The following DIAPH3 variants were observed in gnomAD, a reference collection of about 807,000 sequenced individuals.
DIAPH3 encodes the protein diaphanous related formin 3, also known as protein diaphanous homolog 3.
In DIAPH3, 117 loss-of-function variants were observed where a neutral mutation model predicts 144.3. The ratio of observed to expected loss-of-function variants is 0.81; its 90% CI spans 0.70 to 0.95. The LOEUF (loss-of-function observed/expected upper bound fraction) is 0.95, where lower values mean the gene tolerates loss of function less well. Among genes scored for constraint, DIAPH3 ranks in the 40% least tolerant of loss-of-function variants. The pLI is 0.00. For missense variants in DIAPH3, 1,421 were observed against 1,412.7 expected (o/e 1.01, Z -0.09); for synonymous variants, 519 against 488.9 (o/e 1.06, Z -0.81).
chr13:59,962,948 C>G (rs937174275), intron 17 of DIAPH3, among the ~76,000 whole-genome samples: 2 of 152,020 alleles, frequency 1.3e-5, no homozygotes, highest in Non-Finnish European at 2.9e-5. Flanking sequence ...ATAGGTACTG[C>G]TATGTTTGTT....
At chr13:59,868,654 T>C (rs2044072129) in intron 21 of DIAPH3, among the ~76,000 whole-genome samples, 1 of 152,168 alleles carries the variant, frequency 6.6e-6, no homozygotes, top group African/African-American at 2.4e-5. Flanking sequence ...TATTCATCCA[T>C]CACTACAATG....
At chr13:60,017,576 T>C (rs1171357039) in intron 5 of DIAPH3, among the ~76,000 whole-genome samples, 1 of 152,164 alleles carries the variant, frequency 6.6e-6, no homozygotes, top group Non-Finnish European at 1.5e-5. Flanking sequence ...AATACAAATA[T>C]TGAGTAAAAT....
chr13:59,876,131 A>AAT (rs1308864465), intron 21 of DIAPH3, among the ~76,000 whole-genome samples: 2 of 152,176 alleles, frequency 1.3e-5, no homozygotes, highest in Non-Finnish European at 2.9e-5. Context: ...TCTACTGTCA[A>AAT]ATATATATGG....
At chr13:60,152,719 A>T (rs1951847455) in intron 1 of DIAPH3, among the ~76,000 whole-genome samples, 1 of 152,040 alleles carries the variant, frequency 6.6e-6, no homozygotes, top group African/African-American at 2.4e-5. Context: ...TGTATGATAC[A>T]TACATGATAA....
At chr13:59,974,905 T>C (rs2050582426) in intron 14 of DIAPH3, among the ~76,000 whole-genome samples, 1 of 152,080 alleles carries the variant, frequency 6.6e-6, no homozygotes, top group South Asian at 2.1e-4. Flanking sequence ...ATATTTTTTA[T>C]TACTAAACAA....
chr13:60,133,618 C>T (rs914241917), intron 1 of DIAPH3, among the ~76,000 whole-genome samples: 2 of 152,044 alleles, frequency 1.3e-5, no homozygotes, highest in African/African-American at 4.8e-5. Flanking sequence ...CTTCAAGGAC[C>T]CTTTTGCTGA....
intron 2 of DIAPH3, 43 bp downstream of exon 2, chr13:60,132,914 T>A: frequency 6.5e-7 from 1 of 1,527,428 alleles, no homozygotes; most frequent in East Asian, 2.3e-5. Context: ...GTTATATGGT[T>A]AGTTACAATT....
chr13:59,707,046 A>G (rs747867486), intron 27 of DIAPH3, among the ~76,000 whole-genome samples: 3 of 152,228 alleles, frequency 2.0e-5, no homozygotes, highest in Non-Finnish European at 4.4e-5. Context: ...ATAATTTCAG[A>G]AAATGGTTAT....
At chr13:59,771,490 GGAA>G (rs1370678891) in intron 27 of DIAPH3, among the ~76,000 whole-genome samples, 1 of 148,534 alleles carries the variant, frequency 6.7e-6, no homozygotes, top group Non-Finnish European at 1.5e-5. Flanking sequence ...GCTAAATTTG[GGAA>G]GAAGAGATGA....
At chr13:59,865,778 C>A (rs960713684) in intron 21 of DIAPH3, among the ~76,000 whole-genome samples, 1 of 151,912 alleles carries the variant, frequency 6.6e-6, no homozygotes, top group South Asian at 2.1e-4. Context: ...AGGTATTCAG[C>A]ACAAATCTGG....
chr13:59,833,133 G>T lies in DIAPH3; in HGVS notation c.3001C>A (p.Leu1001Met). 1.2e-6 allele frequency: 2 copies of T among 1,610,116 alleles called. No homozygotes were observed. The highest frequency in any genetic ancestry group is 1.1e-5 in the South Asian group (1 of 90,720). The change falls in exon 24 of 28, where the codon CTG becomes ATG. Residue 1001 changes from leucine (L) to methionine (M), a missense_variant. Transcript: ENST00000400324. ...ATGAATGTGGTTCTGAAGTTATTCA[G>T]GTCAGTAAGAAAGTCTTCCACAGAC... ...KVSVEDFLTD[L>M]NNFRTTFMQA...
At chr13:60,111,534 A>G (rs994987112) in intron 3 of DIAPH3, among the ~76,000 whole-genome samples, 1 of 152,194 alleles carries the variant, frequency 6.6e-6, no homozygotes, top group African/African-American at 2.4e-5. Flanking sequence ...CTCTTGTCAG[A>G]TCAGCAGTGG....
At chr13:60,010,479 A>G (rs1167011454) in intron 8 of DIAPH3, 54 bp downstream of exon 8, 10 of 1,480,540 alleles carry the variant, frequency 6.8e-6, no homozygotes, top group Non-Finnish European at 9.2e-6. Context: ...CATTAAATGA[A>G]TCAATCTGTA....
intron 27 of DIAPH3, among the ~76,000 whole-genome samples, chr13:59,699,576 G>T (rs1272240228): frequency 1.3e-5 from 2 of 152,124 alleles, no homozygotes; most frequent in Non-Finnish European, 2.9e-5. Flanking sequence ...TTAAATCCAG[G>T]TTTTATCAGA....
At position 60,093,621 on chromosome 13, in the gene DIAPH3, T is replaced by C. The variant is rs1297681910; in HGVS notation, c.495+7A>G. The C allele has an allele frequency of 1.7e-5, 26 of 1,562,136 alleles. No homozygotes were observed. Among genetic ancestry groups the C allele is most frequent in the Non-Finnish European group, 2.3e-5 (26 of 1,134,252 alleles). On this transcript the variant is annotated splice_region_variant and intron_variant, in intron 4 of 27. Transcript: ENST00000400324. Reference sequence around the variant, plus strand: ...GCAGTATTTTTCAACTTGACAGTTTTACTTACTGTCTTAGAAGCAGTATTA... The same window carrying C: ...GCAGTATTTTTCAACTTGACAGTTTCACTTACTGTCTTAGAAGCAGTATTA...
At chr13:59,851,409 C>T (rs2042961289) in intron 22 of DIAPH3, among the ~76,000 whole-genome samples, 1 of 152,180 alleles carries the variant, frequency 6.6e-6, no homozygotes, top group Non-Finnish European at 1.5e-5. Flanking sequence ...ACTTTCTCTA[C>T]AGGACCTTTT....
chr13:59,811,623 G>A (rs1250081557), intron 24 of DIAPH3, among the ~76,000 whole-genome samples: 1 of 151,070 alleles, frequency 6.6e-6, no homozygotes, highest in East Asian at 2.0e-4. Flanking sequence ...TGTAATCCCA[G>A]CTACTAGGGA....
chr13:59,759,077 A>C (rs374071772), intron 27 of DIAPH3, among the ~76,000 whole-genome samples: 1 of 151,618 alleles, frequency 6.6e-6, no homozygotes, highest in African/African-American at 2.4e-5. Context: ...CAGGCATGAG[A>C]CACCACATCC....
chr13:59,914,756 C>A (rs943743390), intron 19 of DIAPH3, among the ~76,000 whole-genome samples: 13 of 152,122 alleles, frequency 8.5e-5, no homozygotes, highest in African/African-American at 3.1e-4. Context: ...GCTGGAAATA[C>A]AAACAGATTC....
Sources: allele counts gnomAD v4.1 joint callset (sites outside exome capture counted in the v4.1 genomes callset), GRCh38; gene constraint gnomAD v4.1.1; transcripts MANE v1.5; gene names NCBI Gene and HGNC (gene_info 2026-07-23, HGNC 2026-07-21).